The following MAN1A2 variants were observed in gnomAD, a reference collection of about 807,000 sequenced individuals.
The protein encoded by MAN1A2 is mannosyl-oligosaccharide 1,2-alpha-mannosidase IB.
A neutral mutation model predicts 75.7 loss-of-function variants in MAN1A2; 26 were observed. That is an observed-to-expected ratio of 0.34 (90% CI 0.25 to 0.48). The LOEUF (loss-of-function observed/expected upper bound fraction) is 0.48, where lower values mean the gene tolerates loss of function less well. Ranked by LOEUF, MAN1A2 falls within the 20% of genes least tolerant of loss-of-function variation. The pLI, the probability that MAN1A2 is intolerant of heterozygous loss-of-function variation, is 0.99. For synonymous variants in MAN1A2, 247 were observed against 264.6 expected (o/e 0.93, Z 0.65); for missense variants, 562 against 775.5 (o/e 0.72, Z 3.27).
chr1:117,367,956 G>GTAA lies in MAN1A2; in HGVS notation c.-228_-227insTAA. ...TCCGATGAAGTACAGATGTTGAAGA[G>GTAA]GATATCGCAGGACCTAAACTTGTGA... is the stretch of plus-strand genomic sequence containing the variant. On this transcript the variant is annotated 5_prime_UTR_variant, in exon 1 of 13. Transcript: ENST00000356554. 1 of 532,728 alleles carries GTAA rather than the reference G, an allele frequency of 1.9e-6. No individual in the cohort carries two copies. The highest frequency in any genetic ancestry group is 3.1e-5 in the East Asian group (1 of 32,292). The allele number at this position is 532,728 out of a possible 1,614,324, so 33.0% of individuals were successfully genotyped here.
At chr1:117,460,434 A>G (rs1649780666) in intron 6 of MAN1A2, 55 bp from the exon 7 acceptor site, 1 of 1,284,758 alleles carries the variant, frequency 7.8e-7, no homozygotes, top group Non-Finnish European at 1.1e-6. Flanking sequence ...CATTAAACGA[A>G]TGTTTTGGTC....
intron 12 of MAN1A2, among the ~76,000 whole-genome samples, chr1:117,508,942 G>C (rs1651450137): frequency 6.6e-6 from 1 of 151,084 alleles, no homozygotes; most frequent in Non-Finnish European, 1.5e-5. Flanking sequence ...AAATAGGCTG[G>C]ATCACTGCTA....
chr1:117,373,664 G>A (rs1224253654), intron 1 of MAN1A2, among the ~76,000 whole-genome samples: 2 of 152,002 alleles, frequency 1.3e-5, no homozygotes, highest in Non-Finnish European at 2.9e-5. Flanking sequence ...GCTAGGTTAA[G>A]TTTTAATTTT....
intron 6 of MAN1A2, among the ~76,000 whole-genome samples, chr1:117,443,156 A>G (rs892474590): frequency 6.6e-6 from 1 of 152,196 alleles, no homozygotes; most frequent in African/African-American, 2.4e-5. Context: ...AAAGTTAGGA[A>G]CATTTATTTT....
At chr1:117,457,259 G>A (rs1310738090) in intron 6 of MAN1A2, among the ~76,000 whole-genome samples, 1 of 151,922 alleles carries the variant, frequency 6.6e-6, no homozygotes, top group East Asian at 1.9e-4. Flanking sequence ...TTGCTTGCTT[G>A]TTTTTGTTTT....
At chr1:117,521,814 CTG>C (rs1178973813) in intron 12 of MAN1A2, among the ~76,000 whole-genome samples, 1 of 151,882 alleles carries the variant, frequency 6.6e-6, no homozygotes, top group Non-Finnish European at 1.5e-5. Flanking sequence ...GATAAAGAAA[CTG>C]TGGTATATTT....
At chr1:117,514,069 G>A (rs141651337) in intron 12 of MAN1A2, among the ~76,000 whole-genome samples, 1,867 of 152,194 alleles carry the variant, frequency 0.012, 22 homozygotes, top group Middle Eastern at 0.027. Context: ...TTCTATGTTT[G>A]GAAGTTTTAC....
intron 6 of MAN1A2, among the ~76,000 whole-genome samples, chr1:117,453,720 A>G (rs10399934): frequency 0.27 from 40,464 of 152,146 alleles, 5,935 homozygotes; most frequent in East Asian, 0.48. Flanking sequence ...AACTTAGTTG[A>G]TGCAGCCAGT....
At chr1:117,420,168 G>A (rs1368695636) in intron 4 of MAN1A2, among the ~76,000 whole-genome samples, 1 of 151,936 alleles carries the variant, frequency 6.6e-6, no homozygotes, top group Non-Finnish European at 1.5e-5. Flanking sequence ...GAGAGAGGAA[G>A]TAAAAATTAT....
intron 5 of MAN1A2, among the ~76,000 whole-genome samples, chr1:117,434,874 T>C (rs1024009738): frequency 6.6e-6 from 1 of 151,050 alleles, no homozygotes; most frequent in African/African-American, 2.4e-5. Context: ...GTTGTAGAGA[T>C]GAGAGATATA....
chr1:117,397,885 C>T (rs1055141229), intron 1 of MAN1A2, among the ~76,000 whole-genome samples: 3 of 152,002 alleles, frequency 2.0e-5, no homozygotes, highest in Admixed American at 6.5e-5. Context: ...CTCCTGACCT[C>T]ACGTGATCCA....
intron 12 of MAN1A2, among the ~76,000 whole-genome samples, chr1:117,508,013 A>G (rs1651425549): frequency 6.6e-6 from 1 of 151,654 alleles, no homozygotes; most frequent in Admixed American, 6.6e-5. Context: ...TGCTGAATGA[A>G]TATCTCCCAC....
At position 117,368,086 on chromosome 1, in the gene MAN1A2, T is replaced by G. The variant is rs1652828305; in HGVS notation, c.-98T>G. 3.3e-6 allele frequency: 4 copies of G among 1,220,358 alleles called. No homozygotes were observed. Among genetic ancestry groups the G allele is most frequent in the Non-Finnish European group, 3.4e-6 (3 of 879,162 alleles). The allele number at this position is 1,220,358 out of a possible 1,614,324, so 75.6% of individuals were successfully genotyped here. On this transcript the variant is annotated 5_prime_UTR_variant, in exon 1 of 13. Coordinates refer to ENST00000356554, the MANE Select transcript of MAN1A2 (RefSeq NM_006699.5). ...TCCTTTAAGAGGAGCAAAATTGAGT[T>G]TTCCCATTTTGGCCAAGATTTTGAA... is the stretch of plus-strand genomic sequence containing the variant.
At position 117,487,296 on chromosome 1, in the gene MAN1A2, G is replaced by T. The variant is rs114064721; in HGVS notation, c.1169-5851G>T. Among the ~76,000 whole-genome samples the T allele has an allele frequency of 3.1e-3, 471 of 152,162 alleles. 2 individuals carry two copies. Among genetic ancestry groups the T allele is most frequent in the African/African-American group, 0.011 (450 of 41,554 alleles). On this transcript the variant is annotated intron_variant, in intron 8 of 12. Transcript: ENST00000356554. ...AACTCTGGAAAGCAAGAAAAGAGAA[G>T]TGGCAAGATGACAGCTGTGGAGTAT...
intron 1 of MAN1A2, among the ~76,000 whole-genome samples, chr1:117,382,106 C>T (rs1486844600): frequency 2.0e-5 from 3 of 152,138 alleles, no homozygotes; most frequent in South Asian, 2.1e-4. Flanking sequence ...GAGTAGGTTG[C>T]GAAAATTTTC....
chr1:117,469,668 A>G (rs898886802), intron 8 of MAN1A2, among the ~76,000 whole-genome samples: 3 of 152,160 alleles, frequency 2.0e-5, no homozygotes, highest in Non-Finnish European at 4.4e-5. Context: ...CAAATTAAAT[A>G]ATGGGTGAGG....
At position 117,375,530 on chromosome 1, in the gene MAN1A2, T is replaced by C. The variant is rs541040193; in HGVS notation, c.302+7045T>C. ...AAATATTTATATAATCAACCTGTTATGTAGCTCTCTTGGCCTCCCCTTAGT... is the reference window on the plus strand; with the variant it reads ...AAATATTTATATAATCAACCTGTTACGTAGCTCTCTTGGCCTCCCCTTAGT... On this transcript the variant is annotated intron_variant, in intron 1 of 12. Coordinates refer to ENST00000356554, the MANE Select transcript of MAN1A2 (RefSeq NM_006699.5). 2.6e-5 allele frequency among the ~76,000 whole-genome samples: 4 copies of C among 152,358 alleles called. No individual in the cohort carries two copies. The South Asian group carries it at 8.3e-4, about 32-fold the overall frequency.
chr1:117,502,127 G>A (rs1275781925), intron 11 of MAN1A2, among the ~76,000 whole-genome samples: 3 of 151,754 alleles, frequency 2.0e-5, no homozygotes, highest in Non-Finnish European at 4.4e-5. Flanking sequence ...TAATAATGTA[G>A]AGCAAATTAC....
chr1:117,368,121 A>G lies in MAN1A2; in HGVS notation c.-63A>G, dbSNP rs190274441. On this transcript the variant is annotated 5_prime_UTR_variant, in exon 1 of 13. It removes an upstream start codon present in the reference 5' UTR. Coordinates refer to ENST00000356554, the MANE Select transcript of MAN1A2 (RefSeq NM_006699.5). ...TGGCCAAGATTTTGAAGACAGTTCA[A>G]TGTATTCTACATTTGACATAAGATG... The G allele has an allele frequency of 1.1e-3, 1,540 of 1,462,744 alleles. 11 individuals are homozygous for G. The highest frequency in any genetic ancestry group is 5.0e-4 in the Middle Eastern group (2 of 3,978). 90.6% of individuals were successfully genotyped at this position (1,462,744 alleles called of 1,614,324 possible).
Sources: allele counts gnomAD v4.1 joint callset (sites outside exome capture counted in the v4.1 genomes callset), GRCh38; gene constraint gnomAD v4.1.1; transcripts MANE v1.5; gene names NCBI Gene and HGNC (gene_info 2026-07-23, HGNC 2026-07-21).